Variants in TMEM117 observed in about 807,000 individuals in gnomAD.
TMEM117 encodes transmembrane protein 117.
In TMEM117, 27 loss-of-function variants were observed where a neutral mutation model predicts 52.4. The observed-to-expected ratio is 0.51, with a 90% CI of 0.38 to 0.71. TMEM117 has a LOEUF of 0.71. Among genes scored for constraint, TMEM117 ranks in the 30% least tolerant of loss-of-function variants. The pLI is 0.00. For synonymous variants in TMEM117, 215 were observed against 206.3 expected (o/e 1.04, Z -0.36); for missense variants, 556 against 630.5 (o/e 0.88, Z 1.26).
chr12:44,121,998 C>G (rs1372921287), intron 3 of TMEM117, among the ~76,000 whole-genome samples: 7 of 151,812 alleles, frequency 4.6e-5, no homozygotes, highest in African/African-American at 1.7e-4. Flanking sequence ...GTAATAGCCT[C>G]CAGCTCCATC....
intron 3 of TMEM117, among the ~76,000 whole-genome samples, chr12:44,088,342 T>A (rs754075031): frequency 6.6e-6 from 1 of 152,182 alleles, no homozygotes. Flanking sequence ...ATTAGTATAG[T>A]CATGACAGTA....
At chr12:44,348,414 C>T (rs1309722708) in intron 6 of TMEM117, among the ~76,000 whole-genome samples, 1 of 151,794 alleles carries the variant, frequency 6.6e-6, no homozygotes, top group African/African-American at 2.4e-5. Context: ...TCACCCTTTA[C>T]CCCAAGGTAC....
intron 3 of TMEM117, among the ~76,000 whole-genome samples, chr12:43,997,768 C>T (rs938521304): frequency 6.6e-5 from 10 of 152,154 alleles, no homozygotes; most frequent in Admixed American, 5.9e-4. Context: ...TCTTTGCCTC[C>T]TACTACCATT....
At chr12:44,397,058 G>A in the TMEM117 span, among the ~76,000 whole-genome samples, 4 of 152,046 alleles carry the variant, frequency 2.6e-5, no homozygotes, top group African/African-American at 7.2e-5. Context: ...AATTTAAAGC[G>A]AGTATCCCAG....
intron 6 of TMEM117, among the ~76,000 whole-genome samples, chr12:44,346,023 T>G (rs968114643): frequency 6.6e-6 from 1 of 152,136 alleles, no homozygotes. Flanking sequence ...TCTGTTAAAC[T>G]ATATCTTTTA....
intron 3 of TMEM117, among the ~76,000 whole-genome samples, chr12:44,014,128 CT>C (rs1379453971): frequency 2.6e-5 from 4 of 152,188 alleles, no homozygotes; most frequent in African/African-American, 9.7e-5. Flanking sequence ...AGAAGTCCCC[CT>C]GTCCCCCACA....
the TMEM117 span, among the ~76,000 whole-genome samples, chr12:43,829,460 G>A: frequency 6.6e-6 from 1 of 152,160 alleles, no homozygotes; most frequent in African/African-American, 2.4e-5. Context: ...ATTGGGTGGT[G>A]TATTTGGTAC....
At chr12:44,316,345 G>C (rs1951054399) in intron 6 of TMEM117, among the ~76,000 whole-genome samples, 1 of 152,048 alleles carries the variant, frequency 6.6e-6, no homozygotes, top group African/African-American at 2.4e-5. Context: ...ATAAAGCTTA[G>C]TTTGATGGGA....
intron 4 of TMEM117, among the ~76,000 whole-genome samples, chr12:44,197,952 A>G (rs1949443189): frequency 6.6e-6 from 1 of 152,224 alleles, no homozygotes; most frequent in Non-Finnish European, 1.5e-5. Context: ...TGTAGAATAC[A>G]TTCCAGGTTT....
intron 7 of TMEM117, among the ~76,000 whole-genome samples, chr12:44,382,303 A>G (rs1280666303): frequency 1.3e-5 from 2 of 152,176 alleles, no homozygotes; most frequent in Admixed American, 1.3e-4. Context: ...GAAGGACTCG[A>G]AATATATAAT....
chr12:44,368,674 G>A (rs1340903353), intron 6 of TMEM117, among the ~76,000 whole-genome samples: 6 of 152,184 alleles, frequency 3.9e-5, no homozygotes, highest in East Asian at 1.9e-4. Flanking sequence ...CAGCATGTGC[G>A]GAGCCAGAAC....
At chr12:44,239,268 G>A (rs1338904319) in intron 5 of TMEM117, among the ~76,000 whole-genome samples, 1 of 151,990 alleles carries the variant, frequency 6.6e-6, no homozygotes, top group Non-Finnish European at 1.5e-5. Context: ...GAACAAGATC[G>A]AACACAGATC....
intron 6 of TMEM117, among the ~76,000 whole-genome samples, chr12:44,330,343 C>G (rs562254144): frequency 6.6e-6 from 1 of 152,088 alleles, no homozygotes; most frequent in African/African-American, 2.4e-5. Context: ...TAGAAGCCTC[C>G]TGACTATGCT....
chr12:44,027,119 A>ATT (rs1367144920), intron 3 of TMEM117, among the ~76,000 whole-genome samples: 2 of 115,468 alleles, frequency 1.7e-5, no homozygotes, highest in African/African-American at 8.6e-5. Context: ...ATTTTATCTT[A>ATT]TTATTTTATT....
chr12:43,819,185 A>G, the TMEM117 span, among the ~76,000 whole-genome samples: 10 of 152,302 alleles, frequency 6.6e-5, no homozygotes, highest in South Asian at 4.1e-4. Flanking sequence ...TCCACTTTCT[A>G]TGATGTACTG....
chr12:43,843,684 A>C (rs1243520285), intron 1 of TMEM117, among the ~76,000 whole-genome samples: 3 of 152,132 alleles, frequency 2.0e-5, no homozygotes, highest in Admixed American at 1.3e-4. Context: ...AAATTCTACT[A>C]ATCCTCCAAC....
chr12:43,831,371 T>C (rs528861909), upstream of TMEM117, among the ~76,000 whole-genome samples: 3 of 152,116 alleles, frequency 2.0e-5, no homozygotes, highest in Non-Finnish European at 4.4e-5. Context: ...CAAAATGCCA[T>C]TTAGAGAGGA....
chr12:43,844,962 T>C, intron 2 of TMEM117, 34 bp downstream of exon 2: 1 of 1,566,434 alleles, frequency 6.4e-7, no homozygotes. Context: ...GTAATATCAC[T>C]AATTATTTAA....
At chr12:43,859,237 G>A (rs928074766) in intron 2 of TMEM117, among the ~76,000 whole-genome samples, 1 of 152,190 alleles carries the variant, frequency 6.6e-6, no homozygotes, top group African/African-American at 2.4e-5. Flanking sequence ...AGGGAGGAGG[G>A]CCTTCCAAGC....
Sources: gnomAD v4.1 joint callset for allele counts (sites outside exome capture counted in the v4.1 genomes callset) on GRCh38, gnomAD v4.1.1 for gene constraint, MANE v1.5 for transcripts, NCBI Gene and HGNC (gene_info 2026-07-23, HGNC 2026-07-21) for gene names.